OR4F16: variants seen among roughly 807,000 people sequenced by gnomAD.
The protein encoded by OR4F16 is olfactory receptor 4F3/4F16/4F29.
chr1:676,829 G>A, the OR4F16 span, among the ~76,000 whole-genome samples: 1 of 118,698 alleles, frequency 8.4e-6, no homozygotes, highest in Non-Finnish European at 1.6e-5. Flanking sequence ...GCTCTGAAGA[G>A]AGCAGCAGAT....
the OR4F16 span, among the ~76,000 whole-genome samples, chr1:701,346 T>C: frequency 1.3e-5 from 2 of 149,840 alleles, no homozygotes; most frequent in Non-Finnish European, 2.9e-5. Flanking sequence ...CCTGGAATGA[T>C]ATAAAAAATA....
chr1:701,198 C>G, the OR4F16 span, among the ~76,000 whole-genome samples: 1 of 139,428 alleles, frequency 7.2e-6, no homozygotes, highest in African/African-American at 2.8e-5. Flanking sequence ...CTGAATGGTC[C>G]TTAAGGAGAC....
the OR4F16 span, among the ~76,000 whole-genome samples, chr1:717,213 A>C: frequency 3.3e-5 from 5 of 150,720 alleles, no homozygotes; most frequent in African/African-American, 7.4e-5. Context: ...AACAAACAAA[A>C]AAAAAGATAA....
upstream of OR4F16, among the ~76,000 whole-genome samples, chr1:690,919 C>A (rs1183267662): frequency 2.7e-4 from 40 of 147,844 alleles, 4 homozygotes; most frequent in African/African-American, 1.0e-3. Flanking sequence ...ATGTTCCCAA[C>A]ACAAAGAAAA....
chr1:714,816 T>C, the OR4F16 span, among the ~76,000 whole-genome samples: 2 of 137,482 alleles, frequency 1.5e-5, no homozygotes, highest in Middle Eastern at 6.9e-3. Flanking sequence ...GTAATGAATA[T>C]ATGTTAAGTG....
the OR4F16 span, among the ~76,000 whole-genome samples, chr1:715,806 T>A: frequency 6.7e-6 from 1 of 150,060 alleles, no homozygotes; most frequent in Non-Finnish European, 1.5e-5. Context: ...CACTCAAGCC[T>A]GGGTGGTAGA....
At chr1:717,431 A>AT in the OR4F16 span, among the ~76,000 whole-genome samples, 14 of 130,130 alleles carry the variant, frequency 1.1e-4, no homozygotes, top group Non-Finnish European at 2.1e-4. Flanking sequence ...ACATTTCCGG[A>AT]TTTTTTTTTA....
chr1:717,351 TGAA>T, the OR4F16 span, among the ~76,000 whole-genome samples: 1 of 150,602 alleles, frequency 6.6e-6, no homozygotes, highest in Admixed American at 6.6e-5. Context: ...TTTAAAATAA[TGAA>T]GAAACCTGTC....
the OR4F16 span, among the ~76,000 whole-genome samples, chr1:701,348 T>A: frequency 6.7e-6 from 1 of 149,718 alleles, no homozygotes; most frequent in East Asian, 2.0e-4. Flanking sequence ...TGGAATGATA[T>A]AAAAAATAGG....
chr1:715,752 A>G, the OR4F16 span, among the ~76,000 whole-genome samples: 1 of 139,116 alleles, frequency 7.2e-6, no homozygotes, highest in Non-Finnish European at 1.5e-5. Flanking sequence ...GAATAGCTTG[A>G]GTCTGGGAGG....
chr1:680,053 A>G, the OR4F16 span, among the ~76,000 whole-genome samples: 2 of 131,688 alleles, frequency 1.5e-5, no homozygotes, highest in African/African-American at 6.2e-5. Flanking sequence ...ATACAAGGCT[A>G]GTTCAACATA....
At chr1:715,484 A>G in the OR4F16 span, among the ~76,000 whole-genome samples, 1 of 29,974 alleles carries the variant, frequency 3.3e-5, no homozygotes, top group Non-Finnish European at 6.4e-5. Flanking sequence ...TTTGCTCCCA[A>G]TTAAGGAGCA....
At chr1:676,933 A>C in the OR4F16 span, among the ~76,000 whole-genome samples, 9 of 101,744 alleles carry the variant, frequency 8.8e-5, 1 homozygote, top group African/African-American at 6.2e-4. Flanking sequence ...GACACCTCCC[A>C]GTAGGTGCCA....
chr1:710,261 ATAT>A, the OR4F16 span, among the ~76,000 whole-genome samples: 29 of 131,588 alleles, frequency 2.2e-4, no homozygotes, highest in African/African-American at 4.4e-4. Flanking sequence ...GCATAATTAA[ATAT>A]TATGCAATAA....
chr1:676,755 T>A, the OR4F16 span, among the ~76,000 whole-genome samples: 1 of 121,220 alleles, frequency 8.2e-6, no homozygotes, highest in East Asian at 2.2e-4. Flanking sequence ...ACAGACCACC[T>A]AGGGGAAAGG....
the OR4F16 span, among the ~76,000 whole-genome samples, chr1:680,044 T>C: frequency 7.5e-6 from 1 of 132,588 alleles, no homozygotes; most frequent in Non-Finnish European, 1.6e-5. Flanking sequence ...ATCCCTGGGA[T>C]ACAAGGCTAG....
At chr1:691,939 A>C in the OR4F16 span, among the ~76,000 whole-genome samples, 3 of 112,324 alleles carry the variant, frequency 2.7e-5, no homozygotes, top group African/African-American at 7.6e-5. Context: ...CTTCTCACTT[A>C]TTCATTTTGT....
chr1:712,021 C>CATATATATTATATATGTATTATATA, the OR4F16 span: 2 of 102,560 alleles, frequency 2.0e-5, no homozygotes, highest in African/African-American at 9.2e-5. Flanking sequence ...TATTGTATAT[C>CATATATATTATATATGTATTATATA]TATTACATAT....
chr1:701,538 G>A, the OR4F16 span, among the ~76,000 whole-genome samples: 2 of 150,468 alleles, frequency 1.3e-5, no homozygotes, highest in East Asian at 4.0e-4. Flanking sequence ...TCTGGTGAAG[G>A]TCTTTAGCCC....
Sources: gnomAD v4.1 joint callset for allele counts (sites outside exome capture counted in the v4.1 genomes callset) on GRCh38, gnomAD v4.1.1 for gene constraint, MANE v1.5 for transcripts, NCBI Gene and HGNC (gene_info 2026-07-23, HGNC 2026-07-21) for gene names.